The following MYL12B variants were observed in gnomAD, a reference collection of about 807,000 sequenced individuals.
MYL12B encodes myosin light chain 12B, also known as myosin regulatory light chain 12B.
In MYL12B, 3 loss-of-function variants were observed where a neutral mutation model predicts 12.9. The observed-to-expected ratio is 0.23, with a 90% CI of 0.11 to 0.60. The LOEUF is 0.60. MYL12B is among the 20% of genes least tolerant of loss of function. MYL12B has a pLI of 0.89. For synonymous variants in MYL12B, 57 were observed against 71.9 expected, an observed-to-expected ratio of 0.79 and a Z score of 1.05; for missense variants, 120 against 215.4, an observed-to-expected ratio of 0.56 and a Z score of 2.77.
rs142746470 is a variant in MYL12B, at chr18:3,263,745, A to G, written c.-16+1508A>G. The stretch of plus-strand genomic sequence containing the variant: ...CTTTGTGATCTTCCTTCCTCATTCT[A>G]CACATTAGCTTTGGGGTGTCATTGC... On this transcript the variant is annotated intron_variant, in intron 1 of 3. Transcript: ENST00000237500. Among the ~76,000 whole-genome samples, 367 of 152,286 alleles carry G rather than the reference A, an allele frequency of 2.4e-3. 1 individual carries two copies. The highest frequency in any genetic ancestry group is 8.2e-3 in the African/African-American group (341 of 41,556).
At chr18:3,273,558 G>A (rs754558455) in intron 2 of MYL12B, among the ~76,000 whole-genome samples, 3 of 146,238 alleles carry the variant, frequency 2.1e-5, no homozygotes, top group African/African-American at 5.1e-5. Flanking sequence ...AAAATGTAAA[G>A]ATACAGGATT....
intron 1 of MYL12B, among the ~76,000 whole-genome samples, chr18:3,271,801 A>G (rs2081681349): frequency 6.6e-6 from 1 of 152,006 alleles, no homozygotes; most frequent in Non-Finnish European, 1.5e-5. Context: ...ATTAAAAATG[A>G]AATGACAAGT....
intron 1 of MYL12B, chr18:3,272,177 T>C (rs1404626833): frequency 2.4e-6 from 2 of 837,390 alleles, no homozygotes; most frequent in Admixed American, 1.1e-3. Context: ...TTTTTGAACA[T>C]GACTAGTCTT....
At chr18:3,263,517 A>G (rs955688326) in intron 1 of MYL12B, among the ~76,000 whole-genome samples, 2 of 152,182 alleles carry the variant, frequency 1.3e-5, no homozygotes, top group Non-Finnish European at 2.9e-5. Flanking sequence ...GGCTGACTCG[A>G]TGTTCGTTTA....
chr18:3,267,816 C>G (rs891515754), intron 1 of MYL12B, among the ~76,000 whole-genome samples: 3 of 152,130 alleles, frequency 2.0e-5, no homozygotes, highest in African/African-American at 7.2e-5. Flanking sequence ...AGGGTTGGTT[C>G]CAGGACCCTC....
chr18:3,277,028 A>G (rs2081738039), intron 2 of MYL12B: 48 of 977,846 alleles, frequency 4.9e-5, no homozygotes, highest in Non-Finnish European at 5.7e-5. Flanking sequence ...CACATAAACG[A>G]ATAAATAACC....
chr18:3,273,183 CA>C (rs1598809097), intron 2 of MYL12B, 101 bp downstream of exon 2: 1 of 1,305,102 alleles, frequency 7.7e-7, no homozygotes, highest in Non-Finnish European at 1.0e-6. Flanking sequence ...CTCCTTGTCT[CA>C]AAAGGCCTCT....
intron 1 of MYL12B, among the ~76,000 whole-genome samples, chr18:3,271,400 A>G (rs930570913): frequency 1.3e-5 from 2 of 152,190 alleles, no homozygotes; most frequent in African/African-American, 4.8e-5. Context: ...ACCCTGTGGG[A>G]TGTTCTTTAG....
rs2081748762 is a variant in MYL12B at position 3,278,062 on chromosome 18, A to T, written c.*125A>T. ...TTCACAGCTTTGCCTCTTCTTTTTG[A>T]TGTATTTATTCCAGACCTTTCTGCC... On this transcript the variant is annotated 3_prime_UTR_variant, in exon 4 of 4. Transcript: ENST00000237500. The T allele has an allele frequency of 1.6e-6, 2 of 1,237,122 alleles. No homozygotes were observed. Among genetic ancestry groups the T allele is most frequent in the East Asian group, 5.2e-5 (2 of 38,476 alleles). 76.6% of individuals were successfully genotyped at this position (1,237,122 alleles called of 1,614,324 possible).
At chr18:3,269,444 G>A (rs2081660021) in intron 1 of MYL12B, among the ~76,000 whole-genome samples, 1 of 152,192 alleles carries the variant, frequency 6.6e-6, no homozygotes, top group Non-Finnish European at 1.5e-5. Flanking sequence ...TGGTTCATCA[G>A]GGAGAGGGAT....
Position 3,270,507 on chromosome 18 carries a change from A to G in MYL12B, c.-15-2377A>G, listed in dbSNP as rs115542417. On this transcript the variant is annotated intron_variant, in intron 1 of 3. Coordinates refer to ENST00000237500, the MANE Select transcript of MYL12B (RefSeq NM_033546.4). Reference sequence around the variant, plus strand: ...TAGTTATCAGGCTAACTAACTCCCTATTCTTTCTCACAGGCATTTCCCCTA... The same window carrying G: ...TAGTTATCAGGCTAACTAACTCCCTGTTCTTTCTCACAGGCATTTCCCCTA... 5.3e-3 allele frequency among the ~76,000 whole-genome samples: 803 copies of G among 152,184 alleles called. 5 individuals are homozygous for G. The highest frequency in any genetic ancestry group is 0.018 in the African/African-American group (759 of 41,518).
At chr18:3,269,095 A>G (rs2081656905) in intron 1 of MYL12B, among the ~76,000 whole-genome samples, 1 of 152,192 alleles carries the variant, frequency 6.6e-6, no homozygotes, top group Non-Finnish European at 1.5e-5. Context: ...CTAAAGGAAA[A>G]GTACAAAGCA....
In MYL12B at chr18:3,270,586, G is replaced by A. The variant is rs113954096; in HGVS notation, c.-15-2298G>A. 2.7e-3 allele frequency among the ~76,000 whole-genome samples: 416 copies of A among 152,148 alleles called. 3 individuals carry two copies. The highest frequency in any genetic ancestry group is 9.6e-3 in the African/African-American group (397 of 41,500). On this transcript the variant is annotated intron_variant, in intron 1 of 3. Coordinates refer to ENST00000237500, the MANE Select transcript of MYL12B (RefSeq NM_033546.4). ...TTGGTATCAGCTTCTTAGAGAACTC[G>A]GACTAAACTTCAAAAATGTTTAAAT... is the stretch of plus-strand genomic sequence containing the variant.
chr18:3,275,775 T>TC lies in MYL12B; in HGVS notation c.185-1472dup, dbSNP rs998847865. ...CACACCTTTTGGTTACAGTTTTTCT[T>TC]CCCCCCAAAAAATGCTGCAAGTGAG... On this transcript the variant is annotated intron_variant, in intron 2 of 3. Transcript: ENST00000237500. Among the ~76,000 whole-genome samples the TC allele has an allele frequency of 9.2e-5, 14 of 152,252 alleles. No individual in the cohort carries two copies. The East Asian group carries it at 2.7e-3, about 29-fold the overall frequency.
intron 1 of MYL12B, 146 bp from the exon 2 acceptor site, chr18:3,272,736 GTT>G: frequency 4.3e-6 from 3 of 704,334 alleles, no homozygotes; most frequent in Non-Finnish European, 6.4e-6. Flanking sequence ...TGAAAATAAA[GTT>G]TAGGTGCATA....
intron 1 of MYL12B, among the ~76,000 whole-genome samples, chr18:3,270,992 A>G (rs6506093): frequency 0.95 from 144,891 of 152,276 alleles, 69,010 homozygotes; most frequent in Non-Finnish European, 0.98. Context: ...TTAAAAATAA[A>G]TATTTAACTC....
chr18:3,268,912 T>C (rs1386596887), intron 1 of MYL12B, among the ~76,000 whole-genome samples: 1 of 152,204 alleles, frequency 6.6e-6, no homozygotes, highest in Non-Finnish European at 1.5e-5. Context: ...TTCTAGCACA[T>C]GAGTCACTTA....
intron 2 of MYL12B, chr18:3,276,919 C>CAAA: frequency 4.7e-6 from 4 of 856,144 alleles, no homozygotes; most frequent in Non-Finnish European, 5.4e-6. Flanking sequence ...GCCTATAGTC[C>CAAA]AAAAAAAAAA....
chr18:3,262,428 G>A (rs1387124291), intron 1 of MYL12B, 191 bp downstream of exon 1: 1 of 34,356 alleles, frequency 2.9e-5, no homozygotes, highest in Admixed American at 6.3e-4. Flanking sequence ...GCGGGAGGAG[G>A]GTTGGTGGCG....
Sources: gnomAD v4.1 joint callset for allele counts (sites outside exome capture counted in the v4.1 genomes callset) on GRCh38, gnomAD v4.1.1 for gene constraint, MANE v1.5 for transcripts, NCBI Gene and HGNC (gene_info 2026-07-23, HGNC 2026-07-21) for gene names.